Variants in RLIM observed in about 807,000 individuals in gnomAD.
RLIM encodes the protein ring finger protein, LIM domain interacting.
Under a neutral mutation model 34.0 loss-of-function variants are expected in RLIM, and 2 were observed. That is an observed-to-expected ratio of 0.06 (90% CI 0.02 to 0.19). RLIM has a LOEUF of 0.19. RLIM is among the 10% of genes least tolerant of loss of function. RLIM has a pLI of 1.00. For missense variants in RLIM, 286 were observed against 479.7 expected, an observed-to-expected ratio of 0.60 and a Z score of 3.77; for synonymous variants, 169 against 164.0, an observed-to-expected ratio of 1.03 and a Z score of -0.23.
At chrX:74,608,969 G>T (rs963673836) in intron 1 of RLIM, among the ~76,000 whole-genome samples, 4 of 111,302 alleles carry the variant, frequency 3.6e-5, no homozygotes, top group Non-Finnish European at 5.6e-5. Context: ...ATTATAATTT[G>T]GTCTTATCCA....
rs1386762825 is a variant in RLIM, at chrX:74,598,662, C to T, written c.-23-2662G>A. ...GGTGTGGTGGCGGGCGCCTGTAGTC[C>T]CAGCTACTCGGGAGGCTGAGGCAGG... is the stretch of plus-strand genomic sequence containing the variant. On this transcript the variant is annotated intron_variant, in intron 1 of 3. Transcript: ENST00000332687. 4.6e-5 allele frequency among the ~76,000 whole-genome samples: 5 copies of T among 107,977 alleles called. No individual in the cohort carries two copies. In the South Asian group the frequency reaches 2.1e-3, roughly 45 times the overall value. 93.8% of individuals were successfully genotyped at this position (107,977 alleles called of 115,157 possible).
At chrX:74,603,525 AAT>A (rs1162214119) in intron 1 of RLIM, among the ~76,000 whole-genome samples, 1 of 111,739 alleles carries the variant, frequency 8.9e-6, no homozygotes. Flanking sequence ...TCTCTTCCCA[AAT>A]AGATTTCTTT....
At chrX:74,611,948 T>C (rs542997788) in intron 1 of RLIM, among the ~76,000 whole-genome samples, 6 of 112,185 alleles carry the variant, frequency 5.3e-5, no homozygotes, top group African/African-American at 1.9e-4. Flanking sequence ...GTTATGAATT[T>C]AGGCTAAGTA....
At position 74,591,385 on chromosome X, in the gene RLIM, G is replaced by C; in HGVS notation, c.*55C>G. On this transcript the variant is annotated 3_prime_UTR_variant, in exon 4 of 4. Transcript: ENST00000332687. Reference sequence around the variant, plus strand: ...TCAAAAAGTGGACATAAAAGCAAGTGATTCCTGTTTGCCCATCACTATATC... The same window carrying C: ...TCAAAAAGTGGACATAAAAGCAAGTCATTCCTGTTTGCCCATCACTATATC... 1.0e-6 allele frequency: 1 copy of C among 992,963 alleles called. No homozygotes were observed. The highest frequency in any genetic ancestry group is 2.2e-5 in the South Asian group (1 of 46,023). 81.8% of individuals were successfully genotyped at this position (992,963 alleles called of 1,213,427 possible).
rs1055769067 is a variant in RLIM at position 74,583,743 on chromosome X, C to CA, written c.*7696dup. Among the ~76,000 whole-genome samples, 5 of 111,327 alleles carry CA rather than the reference C, an allele frequency of 4.5e-5. No individual in the cohort carries two copies. The highest frequency in any genetic ancestry group is 2.9e-4 in the Admixed American group (3 of 10,443). ...ATATTACCATTAATCCTCCAAAAAACAAAAAAACAAAAAACAATTTGCGGC... is the reference window on the plus strand; with the variant it reads ...ATATTACCATTAATCCTCCAAAAAACAAAAAAAACAAAAAACAATTTGCGGC... On this transcript the variant is annotated 3_prime_UTR_variant, in exon 4 of 4. Coordinates refer to ENST00000332687, the MANE Select transcript of RLIM (RefSeq NM_016120.4).
Position 74,587,413 on chromosome X carries a change from T to C in RLIM, c.*4027A>G, listed in dbSNP as rs2079592641. 9.0e-6 allele frequency: 1 copy of C among 111,362 alleles called. No homozygotes were observed. The highest frequency in any genetic ancestry group is 3.3e-5 in the African/African-American group (1 of 30,580). The allele number at this position is 111,362 out of a possible 1,213,427, so 9.2% of individuals were successfully genotyped here. The stretch of plus-strand genomic sequence containing the variant: ...AAGTGCCCTGCAAACATGGCTTCTA[T>C]GTACTTAATATGGTAAAACATGTGA... On this transcript the variant is annotated 3_prime_UTR_variant, in exon 4 of 4. Coordinates refer to ENST00000332687, the MANE Select transcript of RLIM (RefSeq NM_016120.4).
chrX:74,603,210 C>T (rs1468068243), intron 1 of RLIM, among the ~76,000 whole-genome samples: 1 of 110,607 alleles, frequency 9.0e-6, no homozygotes, highest in Non-Finnish European at 1.9e-5. Context: ...TCCAGTGACA[C>T]AAAATTACAA....
chrX:74,613,885 G>A (rs1000766303), intron 1 of RLIM, among the ~76,000 whole-genome samples: 1 of 109,820 alleles, frequency 9.1e-6, no homozygotes, highest in Non-Finnish European at 1.9e-5. Flanking sequence ...CGCGGCCCCA[G>A]GGGGCGCCTA....
chrX:74,591,469 C>T lies in RLIM; in HGVS notation c.1846G>A (p.Ala616Thr). The change falls in exon 4 of 4, where the codon GCT becomes ACT. Residue 616 changes from alanine to threonine, a missense_variant. Around this residue, in one of 6 missense-constraint regions of RLIM, gnomAD observed 14 missense variants for 63.2 expected, o/e 0.22. Coordinates refer to ENST00000332687, the MANE Select transcript of RLIM (RefSeq NM_016120.4). The part of the protein sequence containing the change: ...TCPICRRAVL[A>T]SGNRESVV ...ACAACACTTTCTCTGTTACCAGAAG[C>T]TAAGACTGCTCTGCGACAAATAGGA... is the stretch of plus-strand genomic sequence containing the variant. 8.3e-7 allele frequency: 1 copy of T among 1,210,427 alleles called. No homozygotes were observed. Among genetic ancestry groups the T allele is most frequent in the Non-Finnish European group, 1.1e-6 (1 of 894,151 alleles).
At chrX:74,603,713 CAT>C (rs777113217) in intron 1 of RLIM, among the ~76,000 whole-genome samples, 1 of 111,377 alleles carries the variant, frequency 9.0e-6, no homozygotes, top group Non-Finnish European at 1.9e-5. Context: ...CAATTTGAAC[CAT>C]ATATGTAATT....
At chrX:74,595,543 G>GA (rs756892610) in intron 2 of RLIM, among the ~76,000 whole-genome samples, 2 of 110,404 alleles carry the variant, frequency 1.8e-5, no homozygotes, top group Admixed American at 9.7e-5. Context: ...AGCTAACTAA[G>GA]AAAAAAAAGA....
chrX:74,610,666 C>G (rs781124103), intron 1 of RLIM, among the ~76,000 whole-genome samples: 1 of 109,656 alleles, frequency 9.1e-6, no homozygotes, highest in South Asian at 3.9e-4. Context: ...CCAAGGTGGG[C>G]AGATCACAAG....
intron 1 of RLIM, among the ~76,000 whole-genome samples, chrX:74,596,274 C>T (rs1208484073): frequency 2.7e-5 from 3 of 112,440 alleles, no homozygotes; most frequent in Non-Finnish European, 5.6e-5. Flanking sequence ...GAGATGGAGT[C>T]TCGCTCTCTC....
At chrX:74,600,012 G>A (rs978246406) in intron 1 of RLIM, among the ~76,000 whole-genome samples, 4 of 109,339 alleles carry the variant, frequency 3.7e-5, no homozygotes, top group African/African-American at 1.3e-4. Context: ...TTTTAGTCTA[G>A]ACAGAGGCAT....
chrX:74,605,069 CCTTAT>C (rs2079677229), intron 1 of RLIM, among the ~76,000 whole-genome samples: 2 of 111,287 alleles, frequency 1.8e-5, no homozygotes, highest in South Asian at 7.6e-4. Flanking sequence ...GCACTCCCTC[CCTTAT>C]AAGGGAATTC....
At position 74,584,357 on chromosome X, in the gene RLIM, TTAAA is replaced by T. The variant is rs1467673239; in HGVS notation, c.*7079_*7082del. Among the ~76,000 whole-genome samples the T allele has an allele frequency of 2.7e-5, 3 of 112,054 alleles. No homozygotes were observed. Among genetic ancestry groups the T allele is most frequent in the Non-Finnish European group, 5.6e-5 (3 of 53,262 alleles). ...TTTCACCTCACAGTCACTGTGATGA[TTAAA>T]TAATTTATATAGAATACTTAATACA... On this transcript the variant is annotated 3_prime_UTR_variant, in exon 4 of 4. Transcript: ENST00000332687.
chrX:74,597,392 T>C (rs1395229657), intron 1 of RLIM, among the ~76,000 whole-genome samples: 1 of 112,201 alleles, frequency 8.9e-6, no homozygotes, highest in Non-Finnish European at 1.9e-5. Context: ...TTGACAAATG[T>C]AACTGATACT....
rs1931289262 is a variant in RLIM at position 74,584,185 on chromosome X, A to G, written c.*7255T>C. Among the ~76,000 whole-genome samples, 1 of 111,902 alleles carries G rather than the reference A, an allele frequency of 8.9e-6. No individual in the cohort carries two copies. Among genetic ancestry groups the G allele is most frequent in the South Asian group, 3.7e-4 (1 of 2,708 alleles). On this transcript the variant is annotated 3_prime_UTR_variant, in exon 4 of 4. Transcript: ENST00000332687. ...TGGGATAAATACTAAGAAACAAATT[A>G]GAAGTCATATAGTAGTGGGATTAAG...
chrX:74,592,257 G>C lies in RLIM; in HGVS notation c.1058C>G (p.Thr353Ser). ...TCCTCGTTCACTTTCATAGGTGACAGTGTTGTTTGGTGTCTGAGACCTAGA... is the reference window on the plus strand; with the variant it reads ...TCCTCGTTCACTTTCATAGGTGACACTGTTGTTTGGTGTCTGAGACCTAGA... The part of the protein sequence containing the change: ...TRSRSQTPNN[T>S]VTYESERGGF... The change falls in exon 4 of 4, where the codon ACT becomes AGT. Residue 353 changes from threonine to serine, a missense_variant. By Grantham distance (58) the Thr-to-Ser change is moderately conservative (BLOSUM62 1). Coordinates refer to ENST00000332687, the MANE Select transcript of RLIM (RefSeq NM_016120.4). 1.7e-6 allele frequency: 2 copies of C among 1,211,720 alleles called. No homozygotes were observed. The highest frequency in any genetic ancestry group is 2.2e-6 in the Non-Finnish European group (2 of 895,469).
Sources: allele counts gnomAD v4.1 joint callset (sites outside exome capture counted in the v4.1 genomes callset), GRCh38; gene constraint gnomAD v4.1.1; regional missense constraint gnomAD v4.1.1; transcripts MANE v1.5; gene names NCBI Gene and HGNC (gene_info 2026-07-23, HGNC 2026-07-21).